STAT3: variants seen among roughly 807,000 people sequenced by gnomAD.
STAT3 encodes DNA-binding protein APRF.
In STAT3, 7 loss-of-function variants were observed where a neutral mutation model predicts 114.3. The observed-to-expected ratio is 0.06, with a 90% confidence interval of 0.03 to 0.11. STAT3 has a LOEUF of 0.11. Among genes scored for constraint, STAT3 ranks in the 10% least tolerant of loss-of-function variants. STAT3 has a pLI of 1.00. For synonymous variants in STAT3, 331 were observed against 354.5 expected (o/e 0.93, Z 0.74); for missense variants, 364 against 960.9 (o/e 0.38, Z 8.21).
At chr17:42,382,272 C>T (rs2084841753) in intron 1 of STAT3, among the ~76,000 whole-genome samples, 1 of 152,236 alleles carries the variant, frequency 6.6e-6, no homozygotes, top group African/African-American at 2.4e-5. Flanking sequence ...CGAGCTCTTA[C>T]TATGTGCCAG....
chr17:42,358,933 C>CTTTTTTTT (rs35099574), intron 1 of STAT3, among the ~76,000 whole-genome samples: 1,724 of 100,346 alleles, frequency 0.017, 126 homozygotes, highest in African/African-American at 0.033. Flanking sequence ...ACATTTCTTA[C>CTTTTTTTT]TTTTTTTTTT....
intron 1 of STAT3, among the ~76,000 whole-genome samples, chr17:42,357,878 G>A (rs1424865996): frequency 1.3e-5 from 2 of 152,094 alleles, no homozygotes; most frequent in South Asian, 2.1e-4. Flanking sequence ...TTTAAGACTA[G>A]ATACTTGCAA....
chr17:42,320,825 T>A lies in STAT3; in HGVS notation c.2101+1457A>T, dbSNP rs149577408. Reference sequence around the variant, plus strand: ...AAACCAGAGACTCCCCATCAAGACCTGCACAAAGAACCCAGAGAGTCAAAA... The same window carrying A: ...AAACCAGAGACTCCCCATCAAGACCAGCACAAAGAACCCAGAGAGTCAAAA... On this transcript the variant is annotated intron_variant, in intron 21 of 23. Transcript: ENST00000264657. 2.1e-4 allele frequency among the ~76,000 whole-genome samples: 32 copies of A among 150,662 alleles called. No individual in the cohort carries two copies. The East Asian group carries it at 6.2e-3, about 29-fold the overall frequency.
chr17:42,365,066 T>C (rs2083704966), intron 1 of STAT3, among the ~76,000 whole-genome samples: 1 of 152,158 alleles, frequency 6.6e-6, no homozygotes, highest in African/African-American at 2.4e-5. Flanking sequence ...TGGCCCTAAA[T>C]TCTCTCATTA....
At position 42,388,436 on chromosome 17, in the gene STAT3, C is replaced by T. The variant is rs909407555; in HGVS notation, c.-181G>A. 1.1e-5 allele frequency: 13 copies of T among 1,231,800 alleles called. No individual in the cohort carries two copies. In the Admixed American group the frequency reaches 4.6e-4, roughly 44 times the overall value. 76.3% of individuals were successfully genotyped at this position (1,231,800 alleles called of 1,614,324 possible). ...ATCCGGTTGGGGCTTGTTCCCTCGGCTGCGACGTCGGAACCCCCGGCTCCC... is the reference window on the plus strand; with the variant it reads ...ATCCGGTTGGGGCTTGTTCCCTCGGTTGCGACGTCGGAACCCCCGGCTCCC... On this transcript the variant is annotated 5_prime_UTR_variant, in exon 1 of 24. Transcript: ENST00000264657.
Position 42,370,354 on chromosome 17 carries a change from T to C in STAT3, c.-24+17925A>G, listed in dbSNP as rs556248035. Among the ~76,000 whole-genome samples the C allele has an allele frequency of 6.7e-5, 10 of 148,828 alleles. No individual in the cohort carries two copies. In the South Asian group the frequency reaches 2.2e-3, roughly 32 times the overall value. ...TCCGCCTCCCAGGTTCAAGCGATTC[T>C]CCTGCCTCAGCCTCCTGAGTAGCTG... is the stretch of plus-strand genomic sequence containing the variant. On this transcript the variant is annotated intron_variant, in intron 1 of 23. Transcript: ENST00000264657.
chr17:42,325,969 ATTTT>A lies in STAT3; in HGVS notation c.1365+143_1365+146del, dbSNP rs143987966. 2.8e-3 allele frequency: 2,164 copies of A among 785,156 alleles called. 31 individuals carry two copies. In the African/African-American group the frequency reaches 0.032, roughly 12 times the overall value. 48.6% of individuals were successfully genotyped at this position (785,156 alleles called of 1,614,324 possible). A position where few individuals can be genotyped will look rare whatever the true frequency, so the allele number is the denominator to read the frequency against. ...TTTATTGCCAGATGGGATGCCAAGG[ATTTT>A]TTTGGAGAAAAGTAAGCAAAAATAA... On this transcript the variant is annotated intron_variant, in intron 15 of 23. Transcript: ENST00000264657.
In STAT3 at chr17:42,315,349, C is replaced by T; in HGVS notation, c.*396G>A. On this transcript the variant is annotated 3_prime_UTR_variant, in exon 24 of 24. Coordinates refer to ENST00000264657, the MANE Select transcript of STAT3 (RefSeq NM_139276.3). ...GGCCTGTGGCATTTGCTTACAGAAACAGGCAGAAGGATGCCGCAGGCACCA... is the reference window on the plus strand; with the variant it reads ...GGCCTGTGGCATTTGCTTACAGAAATAGGCAGAAGGATGCCGCAGGCACCA... The T allele has an allele frequency of 1.2e-5, 5 of 412,774 alleles. No homozygotes were observed. The South Asian group carries it at 1.3e-4, about 11-fold the overall frequency. 25.6% of individuals were successfully genotyped at this position (412,774 alleles called of 1,614,324 possible).
rs543317034 is a variant in STAT3, at chr17:42,344,489, G to A, written c.372+1070C>T. ...CCCAGCACTTTGGGAGGCTGTGGCC[G>A]GTGGATCATGAAGTCAGGAGATCAA... is the stretch of plus-strand genomic sequence containing the variant. On this transcript the variant is annotated intron_variant, in intron 4 of 23. Coordinates refer to ENST00000264657, the MANE Select transcript of STAT3 (RefSeq NM_139276.3). 4.6e-5 allele frequency among the ~76,000 whole-genome samples: 7 copies of A among 151,598 alleles called. No individual in the cohort carries two copies. The South Asian group carries it at 8.3e-4, about 18-fold the overall frequency.
intron 1 of STAT3, among the ~76,000 whole-genome samples, chr17:42,384,132 A>T (rs9303328): frequency 0.16 from 22,056 of 134,568 alleles, 2,184 homozygotes; most frequent in East Asian, 0.31. Flanking sequence ...TTATTTATTT[A>T]TTTTTTTTTT....
At chr17:42,387,018 T>C (rs1265445996) in intron 1 of STAT3, 1 of 152,150 alleles carries the variant, frequency 6.6e-6, no homozygotes, top group African/African-American at 2.4e-5. Flanking sequence ...TAAATCCACA[T>C]ATAAAAGATT....
chr17:42,314,272 T>G lies in STAT3; in HGVS notation c.*1473A>C, dbSNP rs1210690577. The G allele has an allele frequency of 4.3e-6, 1 of 233,184 alleles. No individual in the cohort carries two copies. The highest frequency in any genetic ancestry group is 2.2e-5 in the African/African-American group (1 of 45,288). The allele number at this position is 233,184 out of a possible 1,614,324, so 14.4% of individuals were successfully genotyped here. ...ACGCCATTACAAGTGCCACTGGATA[T>G]CACCAAGAAACTGGCTAAGAACCAT... On this transcript the variant is annotated 3_prime_UTR_variant, in exon 24 of 24. Coordinates refer to ENST00000264657, the MANE Select transcript of STAT3 (RefSeq NM_139276.3).
chr17:42,364,690 C>T (rs1481010771), intron 1 of STAT3, among the ~76,000 whole-genome samples: 2 of 152,156 alleles, frequency 1.3e-5, no homozygotes, highest in Non-Finnish European at 2.9e-5. Context: ...ACCATTTTGG[C>T]CAGGTTGGTC....
chr17:42,341,178 C>T (rs939768377), intron 4 of STAT3, among the ~76,000 whole-genome samples: 1 of 152,206 alleles, frequency 6.6e-6, no homozygotes, highest in African/African-American at 2.4e-5. Flanking sequence ...ACATGATTAA[C>T]GATCACCCAC....
chr17:42,331,964 G>A (rs571870790), intron 10 of STAT3, among the ~76,000 whole-genome samples: 29 of 149,804 alleles, frequency 1.9e-4, no homozygotes, highest in South Asian at 1.5e-3. Flanking sequence ...AGTTTCTCTC[G>A]TTACCCAGGC....
chr17:42,360,948 A>C (rs1211560187), intron 1 of STAT3, among the ~76,000 whole-genome samples: 1 of 152,174 alleles, frequency 6.6e-6, no homozygotes, highest in Non-Finnish European at 1.5e-5. Context: ...TTAGGAGAGA[A>C]AAACATGAAT....
intron 1 of STAT3, among the ~76,000 whole-genome samples, chr17:42,361,699 T>C (rs1373026643): frequency 6.6e-6 from 1 of 152,066 alleles, no homozygotes; most frequent in Non-Finnish European, 1.5e-5. Context: ...AGGGTTCTAA[T>C]GAAGCAGTAC....
At chr17:42,336,403 G>C (rs964649230) in intron 8 of STAT3, among the ~76,000 whole-genome samples, 13 of 152,150 alleles carry the variant, frequency 8.5e-5, no homozygotes, top group Admixed American at 7.9e-4. Flanking sequence ...TTTGAGACCA[G>C]CCCAGGCAAC....
chr17:42,373,035 T>C (rs989867430), intron 1 of STAT3, among the ~76,000 whole-genome samples: 2 of 152,168 alleles, frequency 1.3e-5, no homozygotes, highest in Non-Finnish European at 2.9e-5. Context: ...ATAATTTTTC[T>C]GTAAAACTAA....
Sources: gnomAD v4.1 joint callset for allele counts (sites outside exome capture counted in the v4.1 genomes callset) on GRCh38, gnomAD v4.1.1 for gene constraint, MANE v1.5 for transcripts, NCBI Gene and HGNC (gene_info 2026-07-23, HGNC 2026-07-21) for gene names.